The following MEF2A variants were observed in gnomAD, a reference collection of about 807,000 sequenced individuals.
The protein encoded by MEF2A is myocyte-specific enhancer factor 2A.
In MEF2A, 28 loss-of-function variants were observed where a neutral mutation model predicts 55.8. The observed-to-expected ratio is 0.50, with a 90% CI of 0.37 to 0.69. The LOEUF is 0.69. MEF2A is among the 30% of genes least tolerant of loss of function. MEF2A has a pLI of 0.00. For synonymous variants in MEF2A, 239 were observed against 227.1 expected, an observed-to-expected ratio of 1.05 and a Z score of -0.47; for missense variants, 528 against 626.2, an observed-to-expected ratio of 0.84 and a Z score of 1.67.
chr15:99,624,058 G>A (rs1183554330), intron 2 of MEF2A, among the ~76,000 whole-genome samples: 2 of 152,176 alleles, frequency 1.3e-5, no homozygotes, highest in Middle Eastern at 3.4e-3. Flanking sequence ...CACCCACCTC[G>A]ACCTCCCAAA....
intron 8 of MEF2A, among the ~76,000 whole-genome samples, chr15:99,702,729 T>C (rs1183874557): frequency 6.6e-6 from 1 of 152,236 alleles, no homozygotes; most frequent in African/African-American, 2.4e-5. Context: ...TTCAGTCTCA[T>C]TTTCTTCAAA....
At chr15:99,617,812 G>A (rs1016604695) in intron 2 of MEF2A, among the ~76,000 whole-genome samples, 1 of 152,078 alleles carries the variant, frequency 6.6e-6, no homozygotes, top group Admixed American at 6.5e-5. Flanking sequence ...TTATGCCTGT[G>A]GGGGAGAAGA....
intron 3 of MEF2A, among the ~76,000 whole-genome samples, chr15:99,635,074 T>C (rs2153423744): frequency 6.6e-6 from 1 of 152,298 alleles, no homozygotes; most frequent in East Asian, 1.9e-4. Context: ...GATTCAGATA[T>C]ATACTATATC....
intron 8 of MEF2A, 23 bp from the exon 9 acceptor site, chr15:99,703,339 T>C: frequency 1.2e-6 from 2 of 1,612,652 alleles, no homozygotes; most frequent in Non-Finnish European, 1.7e-6. Context: ...AACTCTCTTA[T>C]CCCTCTTATG....
intron 8 of MEF2A, among the ~76,000 whole-genome samples, chr15:99,693,460 C>G (rs1196620199): frequency 1.3e-5 from 2 of 152,072 alleles, no homozygotes; most frequent in African/African-American, 4.8e-5. Context: ...CACACACACT[C>G]TCACTCCTAG....
At chr15:99,662,084 T>C (rs72760536) in intron 4 of MEF2A, among the ~76,000 whole-genome samples, 6,875 of 152,272 alleles carry the variant, frequency 0.045, 223 homozygotes, top group Non-Finnish European at 0.07. Context: ...TTTAGGGATA[T>C]GTATATATGT....
intron 2 of MEF2A, among the ~76,000 whole-genome samples, chr15:99,624,956 G>A (rs948405290): frequency 1.3e-5 from 2 of 152,124 alleles, no homozygotes; most frequent in Non-Finnish European, 2.9e-5. Flanking sequence ...CGACTTTACA[G>A]TGTTGTGAAA....
At chr15:99,588,581 C>G (rs530469920) in intron 1 of MEF2A, among the ~76,000 whole-genome samples, 1 of 151,728 alleles carries the variant, frequency 6.6e-6, no homozygotes, top group African/African-American at 2.4e-5. Flanking sequence ...GCTAGGATTA[C>G]AGGTGTGAGC....
intron 7 of MEF2A, among the ~76,000 whole-genome samples, chr15:99,678,492 A>G (rs2052554930): frequency 6.6e-6 from 1 of 152,230 alleles, no homozygotes; most frequent in Non-Finnish European, 1.5e-5. Flanking sequence ...GGTCAGTTCC[A>G]GATAGTTTTG....
At chr15:99,603,321 A>AG (rs1973946198) in intron 2 of MEF2A, among the ~76,000 whole-genome samples, 1 of 151,700 alleles carries the variant, frequency 6.6e-6, no homozygotes, top group South Asian at 2.1e-4. Flanking sequence ...AGTTCTTGTC[A>AG]ACTTGTGGAG....
intron 1 of MEF2A, among the ~76,000 whole-genome samples, chr15:99,587,158 T>A (rs568356236): frequency 6.6e-6 from 1 of 152,214 alleles, no homozygotes; most frequent in South Asian, 2.1e-4. Flanking sequence ...GCTGCACCCA[T>A]CAACCCATCA....
intron 2 of MEF2A, among the ~76,000 whole-genome samples, chr15:99,613,534 G>C (rs1304514590): frequency 6.6e-6 from 1 of 152,136 alleles, no homozygotes; most frequent in African/African-American, 2.4e-5. Context: ...GAGATTGAGA[G>C]GAGTCATTTA....
At position 99,596,191 on chromosome 15, in the gene MEF2A, A is replaced by G. The variant is rs750311850; in HGVS notation, c.-224-2239A>G. 4.4e-4 allele frequency among the ~76,000 whole-genome samples: 67 copies of G among 152,180 alleles called. 1 individual carries two copies. The highest frequency in any genetic ancestry group is 2.8e-4 in the Non-Finnish European group (19 of 68,032). On this transcript the variant is annotated intron_variant, in intron 1 of 11. Transcript: ENST00000557942. Reference sequence around the variant, plus strand: ...TTGAGGAATGCATTTTGAGATGAGAATATGTACTGTGATGTGTAACTATCA... The same window carrying G: ...TTGAGGAATGCATTTTGAGATGAGAGTATGTACTGTGATGTGTAACTATCA...
At chr15:99,582,901 A>G (rs886841345) in intron 1 of MEF2A, among the ~76,000 whole-genome samples, 1 of 152,136 alleles carries the variant, frequency 6.6e-6, no homozygotes, top group Non-Finnish European at 1.5e-5. Context: ...AACAGTTACT[A>G]GGTAATGTGC....
At chr15:99,625,310 A>C (rs934927210) in intron 2 of MEF2A, among the ~76,000 whole-genome samples, 1 of 152,106 alleles carries the variant, frequency 6.6e-6, no homozygotes, top group Non-Finnish European at 1.5e-5. Context: ...TACTTTACTA[A>C]ATTTATTAGT....
In MEF2A at chr15:99,610,442, T is replaced by A. The variant is rs961677045; in HGVS notation, c.-143+11931T>A. On this transcript the variant is annotated intron_variant, in intron 2 of 11. Transcript: ENST00000557942. ...CCCCCCCCCCACCCCCCCCCGAAAT[T>A]GACAAACTGATCCTAAAACTCATAC... Among the ~76,000 whole-genome samples the A allele has an allele frequency of 2.6e-4, 15 of 56,670 alleles. 1 individual carries two copies. The Admixed American group carries it at 3.9e-3, about 15-fold the overall frequency. 37.2% of individuals were successfully genotyped at this position (56,670 alleles called of 152,430 possible). A position where few individuals can be genotyped will look rare whatever the true frequency, so the allele number is the denominator to read the frequency against.
intron 2 of MEF2A, among the ~76,000 whole-genome samples, chr15:99,601,995 A>T (rs1237508722): frequency 6.6e-6 from 1 of 152,052 alleles, no homozygotes; most frequent in Non-Finnish European, 1.5e-5. Context: ...TCTTTGTGGG[A>T]AGGTTTTAAA....
At chr15:99,689,582 G>A (rs1270556476) in intron 7 of MEF2A, among the ~76,000 whole-genome samples, 1 of 152,196 alleles carries the variant, frequency 6.6e-6, no homozygotes, top group East Asian at 1.9e-4. Context: ...CCGGGTTCAA[G>A]TGATTCTCCT....
intron 2 of MEF2A, among the ~76,000 whole-genome samples, chr15:99,606,723 T>G (rs187672869): frequency 1.3e-5 from 2 of 152,310 alleles, no homozygotes; most frequent in East Asian, 1.9e-4. Flanking sequence ...AAAAGGGATT[T>G]ATAGTACAAG....
Sources: gnomAD v4.1 joint callset for allele counts (sites outside exome capture counted in the v4.1 genomes callset) on GRCh38, gnomAD v4.1.1 for gene constraint, MANE v1.5 for transcripts, NCBI Gene and HGNC (gene_info 2026-07-23, HGNC 2026-07-21) for gene names.